SHCBP1L: variants seen among roughly 807,000 people sequenced by gnomAD.
SHCBP1L encodes SHC binding and spindle associated 1 like, also known as testicular spindle-associated protein SHCBP1L.
In SHCBP1L, 67 loss-of-function variants were observed where a neutral mutation model predicts 62.5. The observed-to-expected ratio is 1.07, with a 90% confidence interval of 0.88 to 1.31. SHCBP1L has a LOEUF of 1.31. Ranked by LOEUF, SHCBP1L falls within the 40% of genes most tolerant of loss-of-function variation. SHCBP1L has a pLI of 0.00. For synonymous variants in SHCBP1L, 284 were observed against 289.4 expected, an observed-to-expected ratio of 0.98 and a Z score of 0.19; for missense variants, 823 against 809.8, an observed-to-expected ratio of 1.02 and a Z score of -0.20.
In SHCBP1L at chr1:182,904,531, G is replaced by A. The variant is rs1002801210; in HGVS notation, c.1337-101C>T. 8.3e-6 allele frequency: 9 copies of A among 1,087,856 alleles called. No homozygotes were observed. In the African/African-American group the frequency reaches 1.6e-4, roughly 19 times the overall value. 67.4% of individuals were successfully genotyped at this position (1,087,856 alleles called of 1,614,324 possible). The stretch of plus-strand genomic sequence containing the variant: ...TGCTGTTACTAAAGTTTTTCCCTGT[G>A]TGCGTGTGTGTGTGTGTGTGTGTGT... On this transcript the variant is annotated intron_variant, in intron 7 of 9. Transcript: ENST00000367547.
chr1:182,938,069 T>C, intron 5 of SHCBP1L, among the ~76,000 whole-genome samples: 1 of 152,188 alleles, frequency 6.6e-6, no homozygotes, highest in East Asian at 1.9e-4. Context: ...CAAATTCCTC[T>C]AGTTTCCTTG....
At chr1:182,931,943 A>ATTTTTTTTTTTTTTT (rs1164377476) in intron 5 of SHCBP1L, among the ~76,000 whole-genome samples, 6 of 69,678 alleles carry the variant, frequency 8.6e-5, no homozygotes, top group African/African-American at 1.9e-4. Flanking sequence ...GGAACCACTG[A>ATTTTTTTTTTTTTTT]TTTTTTTTTT....
At chr1:182,906,915 T>A (rs1269719556) in intron 6 of SHCBP1L, among the ~76,000 whole-genome samples, 4 of 151,932 alleles carry the variant, frequency 2.6e-5, no homozygotes, top group African/African-American at 9.7e-5. Flanking sequence ...CCTCCCAGGC[T>A]CAAGTGATCC....
At chr1:182,904,522 T>C (rs1421213006) in intron 7 of SHCBP1L, 92 bp from the exon 8 acceptor site, 2 of 1,360,118 alleles carry the variant, frequency 1.5e-6, no homozygotes, top group Non-Finnish European at 2.0e-6. Context: ...TACTAAAGTT[T>C]TTCCCTGTGT....
At chr1:182,944,121 A>AAATAAATAAATAAATAAAT (rs1651470848) in intron 2 of SHCBP1L, among the ~76,000 whole-genome samples, 2 of 134,084 alleles carry the variant, frequency 1.5e-5, no homozygotes, top group Non-Finnish European at 3.1e-5. Context: ...ACTACTTCTC[A>AAATAAATAAATAAATAAAT]AAATAAATAA....
chr1:182,930,536 G>T (rs1484848691), intron 5 of SHCBP1L, among the ~76,000 whole-genome samples: 1 of 123,918 alleles, frequency 8.1e-6, no homozygotes. Flanking sequence ...AAGAGGATGT[G>T]GCTTTAGTGT....
chr1:182,935,196 T>C (rs1335840909), intron 5 of SHCBP1L, among the ~76,000 whole-genome samples: 3 of 152,154 alleles, frequency 2.0e-5, no homozygotes, highest in Non-Finnish European at 4.4e-5. Flanking sequence ...TTAGAAACAG[T>C]TTGCCAATAT....
intron 5 of SHCBP1L, among the ~76,000 whole-genome samples, chr1:182,932,567 T>C (rs983216082): frequency 6.6e-6 from 1 of 152,170 alleles, no homozygotes; most frequent in Non-Finnish European, 1.5e-5. Context: ...CGATCTCAGC[T>C]CACTGCAACC....
chr1:182,942,462 C>G (rs1651402272), intron 2 of SHCBP1L: 1 of 671,450 alleles, frequency 1.5e-6, no homozygotes. Context: ...CGAGAGCCTC[C>G]GCGAAACTGG....
chr1:182,932,410 G>T (rs1249502699), intron 5 of SHCBP1L, among the ~76,000 whole-genome samples: 1 of 151,944 alleles, frequency 6.6e-6, no homozygotes, highest in East Asian at 1.9e-4. Context: ...TTTCCCACCA[G>T]CAATAAGTGA....
At chr1:182,937,023 C>T (rs1188207581) in intron 5 of SHCBP1L, among the ~76,000 whole-genome samples, 1 of 151,954 alleles carries the variant, frequency 6.6e-6, no homozygotes, top group African/African-American at 2.4e-5. Context: ...CACTGCACTC[C>T]AGCCTGGGTG....
chr1:182,939,460 T>C lies in SHCBP1L; in HGVS notation c.857+7A>G, dbSNP rs201052019. The C allele has an allele frequency of 3.7e-6, 6 of 1,600,022 alleles. No homozygotes were observed. In the East Asian group the frequency reaches 6.7e-5, roughly 18 times the overall value. On this transcript the variant is annotated splice_region_variant and intron_variant, in intron 4 of 9. Transcript: ENST00000367547. ...ATGTGCGGTATAAGTTTATAAACTA[T>C]ACTTACAAATTAATTCTTTCTTCAA...
chr1:182,918,157 C>CAT (rs1340602948), intron 6 of SHCBP1L, among the ~76,000 whole-genome samples: 1 of 146,784 alleles, frequency 6.8e-6, no homozygotes, highest in Admixed American at 6.9e-5. Flanking sequence ...TATATATACA[C>CAT]ATATATATAC....
At position 182,913,155 on chromosome 1, in the gene SHCBP1L, A is replaced by T. The variant is rs562214051; in HGVS notation, c.1183-7506T>A. Among the ~76,000 whole-genome samples the T allele has an allele frequency of 5.9e-5, 9 of 152,106 alleles. No individual in the cohort carries two copies. The East Asian group carries it at 9.7e-4, about 16-fold the overall frequency. ...ATCTCAAAAAATTAATTAATTAATTAAATTAACTGGTAAACATAAATGTTT... is the reference window on the plus strand; with the variant it reads ...ATCTCAAAAAATTAATTAATTAATTTAATTAACTGGTAAACATAAATGTTT... On this transcript the variant is annotated intron_variant, in intron 6 of 9. Coordinates refer to ENST00000367547, the MANE Select transcript of SHCBP1L (RefSeq NM_030933.4).
intron 2 of SHCBP1L, among the ~76,000 whole-genome samples, chr1:182,944,957 C>CTTTTTTTTTTTTTT (rs11309339): frequency 1.2e-4 from 13 of 109,042 alleles, no homozygotes; most frequent in African/African-American, 2.3e-4. Context: ...TTCTTTCTTT[C>CTTTTTTTTTTTTTT]TTTTTTTTTT....
intron 6 of SHCBP1L, among the ~76,000 whole-genome samples, chr1:182,928,976 G>A (rs1244307899): frequency 2.0e-5 from 3 of 151,876 alleles, no homozygotes; most frequent in African/African-American, 7.3e-5. Context: ...AGCATTTAGA[G>A]GACATGAGAA....
chr1:182,908,223 G>A (rs533184850), intron 6 of SHCBP1L, among the ~76,000 whole-genome samples: 1 of 136,456 alleles, frequency 7.3e-6, no homozygotes, highest in African/African-American at 2.5e-5. Flanking sequence ...TCCAGGTATT[G>A]AGCATAGTAC....
intron 6 of SHCBP1L, among the ~76,000 whole-genome samples, chr1:182,910,911 A>G (rs1186351989): frequency 6.6e-6 from 1 of 151,532 alleles, no homozygotes; most frequent in Non-Finnish European, 1.5e-5. Context: ...TTTTTTTGAG[A>G]TGGATCCAGG....
chr1:182,953,051 G>C lies in SHCBP1L; in HGVS notation c.83C>G (p.Ser28Cys). The C allele has an allele frequency of 6.5e-7, 1 of 1,546,760 alleles. No individual in the cohort carries two copies. The highest frequency in any genetic ancestry group is 8.7e-7 in the Non-Finnish European group (1 of 1,151,804). Residue 28 changes from serine to cysteine, a missense_variant, in exon 1 of 10, where the codon TCC becomes TGC. Coordinates refer to ENST00000367547, the MANE Select transcript of SHCBP1L (RefSeq NM_030933.4). Reference sequence around the variant, plus strand: ...GGCCGCCGTGTCCCCGGAGACAGCGGAGGCGGACTTCTCGCCTCGCCTGTC... The same window carrying C: ...GGCCGCCGTGTCCCCGGAGACAGCGCAGGCGGACTTCTCGCCTCGCCTGTC... ...SPDRRGEKSA[S>C]AVSGDTAAAT...
Sources: allele counts gnomAD v4.1 joint callset (sites outside exome capture counted in the v4.1 genomes callset), GRCh38; gene constraint gnomAD v4.1.1; transcripts MANE v1.5; gene names NCBI Gene and HGNC (gene_info 2026-07-23, HGNC 2026-07-21).